The following TBC1D30 variants were observed in gnomAD, a reference collection of about 807,000 sequenced individuals.
TBC1D30 encodes TBC1 domain family member 30.
Under a neutral mutation model 63.2 loss-of-function variants are expected in TBC1D30, and 31 were observed. The ratio of observed to expected loss-of-function variants is 0.49; its 90% CI spans 0.37 to 0.66. The LOEUF (loss-of-function observed/expected upper bound fraction) is 0.66. Among genes scored for constraint, TBC1D30 ranks in the 30% least tolerant of loss-of-function variants. The pLI, the probability that TBC1D30 is intolerant of heterozygous loss-of-function variation, is 0.00. For synonymous variants in TBC1D30, 307 were observed against 361.5 expected (o/e 0.85, Z 1.71); for missense variants, 810 against 953.6 (o/e 0.85, Z 1.98).
chr12:64,793,489 C>CAAAAAAAAAA (rs56138627), intron 2 of TBC1D30, among the ~76,000 whole-genome samples: 2 of 115,486 alleles, frequency 1.7e-5, no homozygotes, highest in African/African-American at 6.6e-5. Context: ...ACCAAAAATA[C>CAAAAAAAAAA]AAAAAAAAAA....
chr12:64,878,515 C>T lies in TBC1D30; in HGVS notation c.*2727C>T. ...CTCCAGATGATCTAAATCTAGTTAGCAATGTCAGCCTGTGGACTGCAGCTG... is the reference window on the plus strand; with the variant it reads ...CTCCAGATGATCTAAATCTAGTTAGTAATGTCAGCCTGTGGACTGCAGCTG... On this transcript the variant is annotated 3_prime_UTR_variant, in exon 12 of 12. Coordinates refer to ENST00000539867, the MANE Select transcript of TBC1D30 (RefSeq NM_015279.2). 2.2e-6 allele frequency: 1 copy of T among 456,730 alleles called. No homozygotes were observed. The allele number at this position is 456,730 out of a possible 1,614,324, so 28.3% of individuals were successfully genotyped here.
At chr12:64,831,709 A>G (rs2136372340) in intron 4 of TBC1D30, among the ~76,000 whole-genome samples, 1 of 152,200 alleles carries the variant, frequency 6.6e-6, no homozygotes, top group East Asian at 1.9e-4. Flanking sequence ...TGATAGCTAA[A>G]TATTATACTT....
Position 64,875,797 on chromosome 12 carries a change from C to G in TBC1D30, c.*9C>G. On this transcript the variant is annotated 3_prime_UTR_variant, in exon 12 of 12. Transcript: ENST00000539867. ...GCACTAAAAAACGATGATGTCTCCC[C>G]GAAACTTTGTATCTGGACTCACCTT... 6.6e-7 allele frequency: 1 copy of G among 1,522,252 alleles called. No homozygotes were observed. The highest frequency in any genetic ancestry group is 8.8e-7 in the Non-Finnish European group (1 of 1,140,360). The allele number at this position is 1,522,252 out of a possible 1,614,324, so 94.3% of individuals were successfully genotyped here.
chr12:64,862,241 G>A lies in TBC1D30; in HGVS notation c.1039-2427G>A, dbSNP rs185984598. ...AGATTTCCGACACCCTGAGTGCTAT[G>A]TCGGTGTGCCAGGGATGCTTATGCT... On this transcript the variant is annotated intron_variant, in intron 8 of 11. Coordinates refer to ENST00000539867, the MANE Select transcript of TBC1D30 (RefSeq NM_015279.2). Among the ~76,000 whole-genome samples, 4 of 152,328 alleles carry A rather than the reference G, an allele frequency of 2.6e-5. No homozygotes were observed. In the East Asian group the frequency reaches 7.7e-4, roughly 29 times the overall value.
intron 8 of TBC1D30, among the ~76,000 whole-genome samples, chr12:64,849,391 G>T (rs1184060229): frequency 6.6e-6 from 1 of 152,162 alleles, no homozygotes; most frequent in African/African-American, 2.4e-5. Context: ...TTTTCTTCTA[G>T]GGTTTTTATG....
chr12:64,863,436 C>T (rs980925199), intron 8 of TBC1D30, among the ~76,000 whole-genome samples: 9 of 152,318 alleles, frequency 5.9e-5, no homozygotes, highest in Non-Finnish European at 1.3e-4. Context: ...ACCTGTACTC[C>T]TTCTCAGCCT....
chr12:64,811,129 T>C (rs7134220), intron 2 of TBC1D30, among the ~76,000 whole-genome samples: 5,501 of 152,354 alleles, frequency 0.036, 325 homozygotes, highest in African/African-American at 0.12. Context: ...TCTGAAATGT[T>C]GACTCACTCT....
intron 1 of TBC1D30, chr12:64,825,299 C>T (rs905344732): frequency 9.4e-6 from 4 of 426,430 alleles, no homozygotes; most frequent in Non-Finnish European, 1.2e-5. Flanking sequence ...ACCCTGCGGC[C>T]TGTGTGCTCG....
chr12:64,840,422 C>T (rs1875768212), intron 7 of TBC1D30, among the ~76,000 whole-genome samples: 1 of 152,188 alleles, frequency 6.6e-6, no homozygotes, highest in Non-Finnish European at 1.5e-5. Context: ...CCTGGTTTTA[C>T]TCCTCTCTAT....
intron 11 of TBC1D30, among the ~76,000 whole-genome samples, chr12:64,874,321 C>G (rs777790593): frequency 1.1e-4 from 17 of 152,180 alleles, no homozygotes; most frequent in Non-Finnish European, 1.8e-4. Context: ...CTCCTGGCCT[C>G]AAGTGATCCT....
rs1223433365 is a variant in TBC1D30, at chr12:64,830,395, G to GATCATTATT, written c.302_310dup (p.Tyr103_Leu104insTyrHisTyr). On this transcript the variant is annotated inframe_insertion, in exon 4 of 12. Coordinates refer to ENST00000539867, the MANE Select transcript of TBC1D30 (RefSeq NM_015279.2). The stretch of plus-strand genomic sequence containing the variant: ...ATTTTAGGTTTGGTTGACCTTGGCA[G>GATCATTATT]ATCATTATTTGCACAGTATAGCCAT... 1 of 1,531,074 alleles carries GATCATTATT rather than the reference G, an allele frequency of 6.5e-7. No homozygotes were observed. The highest frequency in any genetic ancestry group is 2.0e-5 in the Admixed American group (1 of 50,940). The allele number at this position is 1,531,074 out of a possible 1,614,324, so 94.8% of individuals were successfully genotyped here.
At chr12:64,844,227 A>C (rs1013391313) in intron 8 of TBC1D30, among the ~76,000 whole-genome samples, 1 of 152,310 alleles carries the variant, frequency 6.6e-6, no homozygotes. Flanking sequence ...ATTAATCATA[A>C]ATTTTAAAGT....
At chr12:64,862,300 T>C (rs902523284) in intron 8 of TBC1D30, among the ~76,000 whole-genome samples, 13 of 152,204 alleles carry the variant, frequency 8.5e-5, no homozygotes, top group African/African-American at 3.1e-4. Context: ...TGTGAGACCT[T>C]AAAGTAAGTG....
chr12:64,762,956 G>A (rs541808302), intron 1 of TBC1D30, among the ~76,000 whole-genome samples: 2 of 151,988 alleles, frequency 1.3e-5, no homozygotes, highest in Non-Finnish European at 2.9e-5. Flanking sequence ...TAGGCATTTC[G>A]TGACATTCTG....
intron 1 of TBC1D30, 97 bp downstream of exon 1, chr12:64,825,130 T>C (rs1874200134): frequency 7.0e-7 from 1 of 1,424,832 alleles, no homozygotes; most frequent in Non-Finnish European, 9.2e-7. Flanking sequence ...CGGGGAGCTC[T>C]GGGGAAAGTC....
intron 8 of TBC1D30, among the ~76,000 whole-genome samples, chr12:64,859,472 C>T (rs751599744): frequency 3.3e-5 from 5 of 152,092 alleles, no homozygotes; most frequent in Non-Finnish European, 7.4e-5. Flanking sequence ...ACGGGCAGCT[C>T]TGTGAAGGAT....
At chr12:64,808,912 G>T (rs1455487333) in intron 2 of TBC1D30, among the ~76,000 whole-genome samples, 1 of 152,034 alleles carries the variant, frequency 6.6e-6, no homozygotes, top group Non-Finnish European at 1.5e-5. Flanking sequence ...ATATCCCATT[G>T]TATGTATTAC....
chr12:64,801,425 A>G (rs1872578814), intron 2 of TBC1D30, among the ~76,000 whole-genome samples: 1 of 152,222 alleles, frequency 6.6e-6, no homozygotes, highest in African/African-American at 2.4e-5. Flanking sequence ...GTACATATTT[A>G]TAATCATCAC....
At chr12:64,867,651 A>G (rs2136467152) in intron 10 of TBC1D30, among the ~76,000 whole-genome samples, 1 of 152,282 alleles carries the variant, frequency 6.6e-6, no homozygotes, top group Non-Finnish European at 1.5e-5. Context: ...GGCATATAGT[A>G]GATGCTTAAT....
Sources: allele counts gnomAD v4.1 joint callset (sites outside exome capture counted in the v4.1 genomes callset), GRCh38; gene constraint gnomAD v4.1.1; transcripts MANE v1.5; gene names NCBI Gene and HGNC (gene_info 2026-07-23, HGNC 2026-07-21).